Variants in TARM1 observed in about 807,000 individuals in gnomAD.
TARM1 encodes T-cell-interacting, activating receptor on myeloid cells protein 1.
Under a neutral mutation model 30.4 loss-of-function variants are expected in TARM1, and 24 were observed. That is an observed-to-expected ratio of 0.79 (90% CI 0.57 to 1.11). The LOEUF (loss-of-function observed/expected upper bound fraction) is 1.11. Among genes scored for constraint, TARM1 ranks in the 50% least tolerant of loss-of-function variants. The pLI is 0.00. For synonymous variants in TARM1, 129 were observed against 138.9 expected (o/e 0.93, Z 0.50); for missense variants, 323 against 332.8 (o/e 0.97, Z 0.23).
At chr19:54,074,743 A>C (rs1288545229) in intron 3 of TARM1, 81 bp downstream of exon 3, 2 of 1,413,334 alleles carry the variant, frequency 1.4e-6, no homozygotes, top group Non-Finnish European at 1.9e-6. Context: ...TGAAGGTGGG[A>C]CCCCTTTTCT....
In TARM1 at chr19:54,074,735, A is replaced by G. The variant is rs79807863; in HGVS notation, c.361+89T>C. 6,327 of 1,361,814 alleles carry G rather than the reference A, an allele frequency of 4.6e-3. 225 individuals are homozygous for G. In the African/African-American group the frequency reaches 0.078, roughly 17 times the overall value. The allele number at this position is 1,361,814 out of a possible 1,614,324, so 84.4% of individuals were successfully genotyped here. On this transcript the variant is annotated intron_variant, in intron 3 of 4. Coordinates refer to ENST00000432826, the MANE Select transcript of TARM1 (RefSeq NM_001135686.3). ...TCTCCCACCACCCCCAACTACTCTGAAGGTGGGACCCCTTTTCTCCCTCTG... is the reference window on the plus strand; with the variant it reads ...TCTCCCACCACCCCCAACTACTCTGGAGGTGGGACCCCTTTTCTCCCTCTG...
rs1210409831 is a variant in TARM1 at position 54,074,166 on chromosome 19, C to T, written c.412G>A (p.Ala138Thr). ...CACTGCAGAGTCACCCTTCCACCTG[C>T]GGTCACTGTACCCCTTTGGTAGGTT... ...LRTYQRGTVT[A>T]GGRVTLQCQK... The change falls in exon 4 of 5, where the codon GCA becomes ACA. Residue 138 changes from alanine (A) to threonine (T), a missense_variant. Coordinates refer to ENST00000432826, the MANE Select transcript of TARM1 (RefSeq NM_001135686.3). 1.7e-5 allele frequency: 27 copies of T among 1,551,554 alleles called. No homozygotes were observed. Among genetic ancestry groups the T allele is most frequent in the Non-Finnish European group, 2.3e-5 (26 of 1,147,002 alleles).
intron 1 of TARM1, among the ~76,000 whole-genome samples, chr19:54,078,734 C>G (rs2072022862): frequency 6.6e-6 from 1 of 151,104 alleles, no homozygotes; most frequent in African/African-American, 2.4e-5. Flanking sequence ...AACTCCTGGG[C>G]TCAAGCGATC....
At chr19:54,079,726 G>A (rs910640054) in intron 1 of TARM1, among the ~76,000 whole-genome samples, 1 of 152,128 alleles carries the variant, frequency 6.6e-6, no homozygotes, top group East Asian at 1.9e-4. Context: ...TGTGGCTCAC[G>A]CCTGTAATCC....
At chr19:54,075,820 G>T (rs1409975109) in intron 2 of TARM1, 63 bp downstream of exon 2, 2 of 1,502,440 alleles carry the variant, frequency 1.3e-6, no homozygotes, top group Non-Finnish European at 1.8e-6. Flanking sequence ...GGGGGAAGGG[G>T]AAGAGAACAG....
chr19:54,077,385 GA>G (rs1183822763), intron 1 of TARM1, among the ~76,000 whole-genome samples: 28 of 143,778 alleles, frequency 1.9e-4, no homozygotes, highest in African/African-American at 4.6e-4. Context: ...TTTCAGGAAA[GA>G]AAAAAAAAAG....
chr19:54,079,518 C>CTAA lies in TARM1; in HGVS notation c.34+1786_34+1788dup, dbSNP rs1348470941. Among the ~76,000 whole-genome samples the CTAA allele has an allele frequency of 2.0e-5, 3 of 152,004 alleles. No homozygotes were observed. The East Asian group carries it at 5.8e-4, about 29-fold the overall frequency. ...TGCTGAGTCGGGCAGGTTGGCCTTC[C>CTAA]TAATGGAGGTGGGTATTCTGCTGAG... On this transcript the variant is annotated intron_variant, in intron 1 of 4. Coordinates refer to ENST00000432826, the MANE Select transcript of TARM1 (RefSeq NM_001135686.3).
rs1249639453 is a variant in TARM1, at chr19:54,074,884, T to C, written c.301A>G (p.Arg101Gly). The C allele has an allele frequency of 6.4e-7, 1 of 1,551,632 alleles. No homozygotes were observed. Among genetic ancestry groups the C allele is most frequent in the Non-Finnish European group, 8.7e-7 (1 of 1,146,962 alleles). ...NAGEYTCEYY[R>G]KASPHILSQH... ...GAAAGGATGTGGGGGGATGCTTTTC[T>C]GTAGTATTCACAGGTGTACTCTCCA... The change falls in exon 3 of 5, where the codon AGA (arginine) becomes GGA (glycine). Residue 101 changes from arginine to glycine, a missense_variant. Coordinates refer to ENST00000432826, the MANE Select transcript of TARM1 (RefSeq NM_001135686.3).
intron 3 of TARM1, among the ~76,000 whole-genome samples, chr19:54,074,437 C>T (rs2071893455): frequency 6.6e-6 from 1 of 152,170 alleles, no homozygotes; most frequent in African/African-American, 2.4e-5. Context: ...AATCCCAGCA[C>T]TTTGGGAGGC....
chr19:54,076,439 T>G (rs2071958297), intron 1 of TARM1: 3 of 467,668 alleles, frequency 6.4e-6, no homozygotes, highest in Non-Finnish European at 7.6e-6. Context: ...CTCGGCTCAC[T>G]GCAACCTCCG....
At chr19:54,074,740 G>A in intron 3 of TARM1, 84 bp downstream of exon 3, 1 of 1,396,010 alleles carries the variant, frequency 7.2e-7, no homozygotes, top group Non-Finnish European at 9.7e-7. Flanking sequence ...CTCTGAAGGT[G>A]GGACCCCTTT....
chr19:54,081,192 T>G, intron 1 of TARM1, 115 bp downstream of exon 1: 1 of 969,720 alleles, frequency 1.0e-6, no homozygotes, highest in South Asian at 1.4e-5. Context: ...GACGTCTCAC[T>G]CCTCCCGTGT....
intron 4 of TARM1, 65 bp downstream of exon 4, chr19:54,073,852 CAGA>C: frequency 1.3e-6 from 2 of 1,483,060 alleles, no homozygotes; most frequent in Non-Finnish European, 1.8e-6. Context: ...ATGAGATTCA[CAGA>C]AGAACAAAAC....
chr19:54,079,308 G>T (rs1413384327), intron 1 of TARM1, among the ~76,000 whole-genome samples: 1 of 151,904 alleles, frequency 6.6e-6, no homozygotes, highest in African/African-American at 2.4e-5. Context: ...GGTTACCAGG[G>T]GCTGGGAGGA....
chr19:54,080,136 G>GCAAGC (rs2072074772), intron 1 of TARM1, among the ~76,000 whole-genome samples: 1 of 63,712 alleles, frequency 1.6e-5, no homozygotes, highest in African/African-American at 5.7e-5. Context: ...AGGAAGGAAG[G>GCAAGC]AAGAAAGCAA....
At chr19:54,072,280 A>G (rs587741541) in intron 4 of TARM1, among the ~76,000 whole-genome samples, 25 of 152,274 alleles carry the variant, frequency 1.6e-4, no homozygotes, top group African/African-American at 6.0e-4. Flanking sequence ...GTCTTGATGA[A>G]TGGGCTTCAT....
In TARM1 at chr19:54,076,309, T is replaced by C. The variant is rs763824493; in HGVS notation, c.35-391A>G. On this transcript the variant is annotated intron_variant, in intron 1 of 4. Coordinates refer to ENST00000432826, the MANE Select transcript of TARM1 (RefSeq NM_001135686.3). ...TCTTTCATTCATTCCAGAGACAGAGTCTCGCTCTTTCTTTCTTTTTCTTTC... is the reference window on the plus strand; with the variant it reads ...TCTTTCATTCATTCCAGAGACAGAGCCTCGCTCTTTCTTTCTTTTTCTTTC... 18 of 1,069,140 alleles carry C rather than the reference T, an allele frequency of 1.7e-5. No homozygotes were observed. In the South Asian group the frequency reaches 2.1e-4, roughly 13 times the overall value. The allele number at this position is 1,069,140 out of a possible 1,614,324, so 66.2% of individuals were successfully genotyped here. A position where few individuals can be genotyped will look rare whatever the true frequency, so the allele number is the denominator to read the frequency against.
At chr19:54,074,732 C>T in intron 3 of TARM1, 92 bp downstream of exon 3, 1 of 1,348,084 alleles carries the variant, frequency 7.4e-7, no homozygotes, top group Non-Finnish European at 1.0e-6. Context: ...CCCAACTACT[C>T]TGAAGGTGGG....
chr19:54,075,960 G>C (rs1452548058), intron 1 of TARM1, 42 bp from the exon 2 acceptor site: 1 of 1,549,142 alleles, frequency 6.5e-7, no homozygotes, highest in Non-Finnish European at 8.7e-7. Flanking sequence ...CCTACCTGGA[G>C]CCACGTCACC....
Sources: gnomAD v4.1 joint callset for allele counts (sites outside exome capture counted in the v4.1 genomes callset) on GRCh38, gnomAD v4.1.1 for gene constraint, MANE v1.5 for transcripts, NCBI Gene and HGNC (gene_info 2026-07-23, HGNC 2026-07-21) for gene names.